Variants in AUTS2 observed in about 807,000 individuals in gnomAD.
AUTS2 encodes the protein activator of transcription and developmental regulator AUTS2.
A neutral mutation model predicts 112.4 loss-of-function variants in AUTS2; 17 were observed. The ratio of observed to expected loss-of-function variants is 0.15; its 90% CI spans 0.10 to 0.23. The LOEUF is 0.23. AUTS2 is among the 10% of genes least tolerant of loss of function. The probability of loss-of-function intolerance (pLI) is 1.00; values close to 1 mark genes in which losing one functional copy is unlikely to be tolerated. For missense variants in AUTS2, 1,510 were observed against 1,701.6 expected (o/e 0.89, Z 1.98); for synonymous variants, 751 against 702.7 (o/e 1.07, Z -1.09).
At chr7:70,385,944 A>G (rs58370508) in intron 4 of AUTS2, among the ~76,000 whole-genome samples, 12,634 of 150,282 alleles carry the variant, frequency 0.084, 765 homozygotes, top group African/African-American at 0.18. Context: ...GGTTACTTAC[A>G]ACACAGAGAT....
chr7:69,842,931 G>A (rs1000873), intron 1 of AUTS2, among the ~76,000 whole-genome samples: 3,684 of 152,232 alleles, frequency 0.024, 60 homozygotes, highest in Non-Finnish European at 0.038. Flanking sequence ...TGATAGCCAG[G>A]CATAATGGCT....
chr7:70,174,418 G>A (rs1399358735), intron 4 of AUTS2, among the ~76,000 whole-genome samples: 5 of 152,230 alleles, frequency 3.3e-5, no homozygotes, highest in Non-Finnish European at 7.3e-5. Flanking sequence ...TGCTGATGGA[G>A]TAGCTGTGGC....
intron 1 of AUTS2, among the ~76,000 whole-genome samples, chr7:69,865,104 T>C (rs1337098038): frequency 8.6e-6 from 1 of 115,962 alleles, no homozygotes. Flanking sequence ...GGATGGTAGG[T>C]TTTTTTTTTT....
chr7:69,711,445 A>G (rs1446719087), intron 1 of AUTS2, among the ~76,000 whole-genome samples: 2 of 152,122 alleles, frequency 1.3e-5, no homozygotes, highest in South Asian at 2.1e-4. Context: ...AATGATATAC[A>G]TTATTTTCTT....
At chr7:70,600,075 AACCTGTGTTTTC>A (rs1803399323) in intron 5 of AUTS2, among the ~76,000 whole-genome samples, 3 of 152,194 alleles carry the variant, frequency 2.0e-5, no homozygotes, top group Non-Finnish European at 4.4e-5. Context: ...GGGGCTCAGC[AACCTGTGTTTTC>A]ACACGTTCTC....
intron 2 of AUTS2, among the ~76,000 whole-genome samples, chr7:70,035,643 G>A (rs1170955406): frequency 6.6e-6 from 1 of 152,168 alleles, no homozygotes; most frequent in Non-Finnish European, 1.5e-5. Flanking sequence ...TTAGCTATGA[G>A]ACCTTAGGTC....
At chr7:70,350,591 A>G (rs1283843465) in intron 4 of AUTS2, among the ~76,000 whole-genome samples, 2 of 152,154 alleles carry the variant, frequency 1.3e-5, no homozygotes, top group Non-Finnish European at 2.9e-5. Flanking sequence ...ACCCACCCTC[A>G]TGATTCAGTT....
intron 6 of AUTS2, among the ~76,000 whole-genome samples, chr7:70,746,742 A>C (rs569230387): frequency 1.6e-3 from 239 of 152,036 alleles, no homozygotes; most frequent in African/African-American, 5.4e-3. Context: ...CTTGATGAGG[A>C]GTTGGGAGGG....
intron 1 of AUTS2, among the ~76,000 whole-genome samples, chr7:69,754,639 A>G (rs1787875940): frequency 6.6e-6 from 1 of 152,170 alleles, no homozygotes; most frequent in African/African-American, 2.4e-5. Flanking sequence ...TCTCCAGTGC[A>G]GGTGCCCAGG....
intron 6 of AUTS2, among the ~76,000 whole-genome samples, chr7:70,756,070 G>A (rs892379274): frequency 2.6e-5 from 4 of 152,074 alleles, no homozygotes; most frequent in Non-Finnish European, 5.9e-5. Flanking sequence ...GTTTATTTCT[G>A]GATGATGGGA....
chr7:69,928,872 A>G (rs1024393618), intron 2 of AUTS2, among the ~76,000 whole-genome samples: 1 of 152,180 alleles, frequency 6.6e-6, no homozygotes, highest in Non-Finnish European at 1.5e-5. Flanking sequence ...GCTGGTTCTA[A>G]GTGAACAGGC....
intron 2 of AUTS2, among the ~76,000 whole-genome samples, chr7:70,109,211 A>G (rs1804941651): frequency 6.6e-6 from 1 of 152,236 alleles, no homozygotes; most frequent in Admixed American, 6.5e-5. Flanking sequence ...TTTATTTTTT[A>G]TATTCATCCT....
chr7:70,474,803 C>G (rs1797519802), intron 5 of AUTS2, among the ~76,000 whole-genome samples: 1 of 152,124 alleles, frequency 6.6e-6, no homozygotes, highest in Non-Finnish European at 1.5e-5. Context: ...AATTAGGACC[C>G]ACTGTGAAGG....
At chr7:69,907,770 C>T (rs893062960) in intron 2 of AUTS2, among the ~76,000 whole-genome samples, 7 of 152,114 alleles carry the variant, frequency 4.6e-5, no homozygotes, top group African/African-American at 1.7e-4. Context: ...CTGTTAAAGG[C>T]AGTTGGAGCC....
intron 2 of AUTS2, among the ~76,000 whole-genome samples, chr7:70,054,902 T>C (rs1360085743): frequency 2.0e-5 from 3 of 152,192 alleles, no homozygotes; most frequent in Non-Finnish European, 4.4e-5. Flanking sequence ...CTCACTATTT[T>C]GGTCTTCCCT....
chr7:70,488,408 C>T (rs1483693777), intron 5 of AUTS2, among the ~76,000 whole-genome samples: 2 of 152,176 alleles, frequency 1.3e-5, no homozygotes, highest in African/African-American at 4.8e-5. Context: ...GTAATCCCCC[C>T]AGTCGGTCTG....
At chr7:70,196,027 TAATGAAGGTATG>T (rs1412867877) in intron 4 of AUTS2, among the ~76,000 whole-genome samples, 1 of 152,198 alleles carries the variant, frequency 6.6e-6, no homozygotes, top group African/African-American at 2.4e-5. Context: ...TATTGGGCAG[TAATGAAGGTATG>T]GCAGCAGGAA....
intron 6 of AUTS2, among the ~76,000 whole-genome samples, chr7:70,748,865 T>A (rs903821010): frequency 2.6e-4 from 40 of 152,316 alleles, no homozygotes; most frequent in African/African-American, 8.9e-4. Context: ...GCAATATGCA[T>A]TGTTTGGTCC....
intron 5 of AUTS2, among the ~76,000 whole-genome samples, chr7:70,518,217 G>A (rs1414775220): frequency 6.6e-6 from 1 of 152,272 alleles, no homozygotes; most frequent in Admixed American, 6.5e-5. Context: ...TTTACAATAT[G>A]TACTTTAATA....
Sources: allele counts gnomAD v4.1 joint callset (sites outside exome capture counted in the v4.1 genomes callset), GRCh38; gene constraint gnomAD v4.1.1; transcripts MANE v1.5; gene names NCBI Gene and HGNC (gene_info 2026-07-23, HGNC 2026-07-21).